Variants in SAMD5 observed in about 807,000 individuals in gnomAD.
SAMD5 encodes sterile alpha motif domain-containing protein 5.
SAMD5 carries 13 observed loss-of-function variants against 11.3 expected under a neutral mutation model. That is an observed-to-expected ratio of 1.15 (90% CI 0.75 to 1.83). SAMD5 has a LOEUF of 1.83. Among genes scored for constraint, SAMD5 ranks in the 40% most tolerant of loss-of-function variants. The pLI, the probability that SAMD5 is intolerant of heterozygous loss-of-function variation, is 0.00. For missense variants in SAMD5, 255 were observed against 239.1 expected, an observed-to-expected ratio of 1.07 and a Z score of -0.44; for synonymous variants, 129 against 111.3, an observed-to-expected ratio of 1.16 and a Z score of -1.00.
chr6:147,937,753 T>C, the SAMD5 span, among the ~76,000 whole-genome samples: 1 of 152,216 alleles, frequency 6.6e-6, no homozygotes, highest in Non-Finnish European at 1.5e-5. Context: ...CAGATATGTA[T>C]ATAAGAATTT....
chr6:147,633,283 G>A (rs149263267), intron 1 of SAMD5, among the ~76,000 whole-genome samples: 13 of 152,218 alleles, frequency 8.5e-5, no homozygotes, highest in African/African-American at 2.4e-4. Context: ...TACAAGCCAC[G>A]TGCTTTGAAA....
chr6:147,802,281 T>C, the SAMD5 span, among the ~76,000 whole-genome samples: 1 of 152,148 alleles, frequency 6.6e-6, no homozygotes. Context: ...TAGGAAAATA[T>C]ACAAATGGCC....
chr6:147,812,494 A>C, the SAMD5 span, among the ~76,000 whole-genome samples: 4 of 152,044 alleles, frequency 2.6e-5, no homozygotes, highest in African/African-American at 7.3e-5. Flanking sequence ...GAGCCCAGTC[A>C]TACCAGCAGT....
chr6:147,672,919 A>T (rs1398111834), intron 1 of SAMD5, among the ~76,000 whole-genome samples: 1 of 152,158 alleles, frequency 6.6e-6, no homozygotes, highest in Non-Finnish European at 1.5e-5. Context: ...TGTTTAACAT[A>T]GTTTACTGTT....
At chr6:147,550,321 C>A (rs1440416741) in intron 1 of SAMD5, among the ~76,000 whole-genome samples, 2 of 152,104 alleles carry the variant, frequency 1.3e-5, no homozygotes, top group Admixed American at 6.6e-5. Flanking sequence ...TAAATTAGTA[C>A]AATCTCTATG....
chr6:147,801,194 A>G, the SAMD5 span, among the ~76,000 whole-genome samples: 1 of 152,298 alleles, frequency 6.6e-6, no homozygotes, highest in African/African-American at 2.4e-5. Flanking sequence ...AAAATTCTGA[A>G]AAACCAGACA....
At position 147,569,231 on chromosome 6, in the gene SAMD5, A is replaced by AAG; in HGVS notation, c.*4776_*4777insGA. On this transcript the variant is annotated 3_prime_UTR_variant, in exon 2 of 2. Transcript: ENST00000367474. ...GTGAGACTCTGTCTAAAAAAAAAAA[A>AAG]AAAAGAAAAGAAAAAAGAAAAATTG... 2.8e-6 allele frequency: 1 copy of AAG among 351,128 alleles called. No homozygotes were observed. The highest frequency in any genetic ancestry group is 1.2e-4 in the South Asian group (1 of 8,594). 21.8% of individuals were successfully genotyped at this position (351,128 alleles called of 1,614,324 possible). A position where few individuals can be genotyped will look rare whatever the true frequency, so the allele number is the denominator to read the frequency against.
At chr6:147,616,713 A>C (rs183232321) in intron 1 of SAMD5, among the ~76,000 whole-genome samples, 450 of 152,350 alleles carry the variant, frequency 3.0e-3, no homozygotes, top group Non-Finnish European at 5.7e-3. Context: ...TCAGTTACGC[A>C]TGGCTGTGGA....
chr6:147,563,790 A>G (rs1788992151), intron 1 of SAMD5, among the ~76,000 whole-genome samples: 1 of 147,694 alleles, frequency 6.8e-6, no homozygotes. Context: ...TGTAAGAAAT[A>G]CTTAATTAAC....
intron 1 of SAMD5, among the ~76,000 whole-genome samples, chr6:147,669,034 T>C (rs1790759803): frequency 6.6e-6 from 1 of 152,166 alleles, no homozygotes. Context: ...TGCTGACTGA[T>C]CAGGGTGGTG....
chr6:147,636,280 G>A (rs539090655), intron 1 of SAMD5, among the ~76,000 whole-genome samples: 15 of 152,122 alleles, frequency 9.9e-5, no homozygotes, highest in African/African-American at 2.9e-4. Flanking sequence ...GAACATGCGA[G>A]GTAATTCTGT....
rs979016199 is a variant in SAMD5, at chr6:147,666,467, A to G, written c.163-70850A>G. Among the ~76,000 whole-genome samples, 5 of 152,166 alleles carry G rather than the reference A, an allele frequency of 3.3e-5. No individual in the cohort carries two copies. The East Asian group carries it at 7.7e-4, about 24-fold the overall frequency. ...TGTTTCTGCTTTTGTGCTGGCTGCTAAAGCTTCAGGCCCTTCCTCCTCAGC... is the reference window on the plus strand; with the variant it reads ...TGTTTCTGCTTTTGTGCTGGCTGCTGAAGCTTCAGGCCCTTCCTCCTCAGC... On this transcript the variant is annotated intron_variant, in intron 1 of 1. Transcript: ENST00000566741.
the SAMD5 span, among the ~76,000 whole-genome samples, chr6:147,893,341 T>A: frequency 6.6e-6 from 1 of 152,148 alleles, no homozygotes; most frequent in Non-Finnish European, 1.5e-5. Flanking sequence ...TTGCCCAAAG[T>A]CATTTAGTAA....
the SAMD5 span, among the ~76,000 whole-genome samples, chr6:147,765,209 C>G: frequency 1.3e-5 from 2 of 151,772 alleles, no homozygotes; most frequent in Admixed American, 6.6e-5. Flanking sequence ...ATTTTCTTGT[C>G]TTTTTTTTGT....
At chr6:147,680,371 A>C (rs1185745486) in intron 1 of SAMD5, among the ~76,000 whole-genome samples, 1 of 152,140 alleles carries the variant, frequency 6.6e-6, no homozygotes, top group East Asian at 1.9e-4. Flanking sequence ...TTGATCTTGT[A>C]TCCTACAAAC....
chr6:147,917,814 A>G, the SAMD5 span, among the ~76,000 whole-genome samples: 2 of 152,164 alleles, frequency 1.3e-5, no homozygotes, highest in African/African-American at 4.8e-5. Context: ...TTAAATAGGG[A>G]ATCCTTTCCC....
In SAMD5 at chr6:147,656,899, C is replaced by CGTGTGTGTGTGTGTGT. The variant is rs55906300; in HGVS notation, c.163-80399_163-80384dup. Among the ~76,000 whole-genome samples, 363 of 149,168 alleles carry CGTGTGTGTGTGTGTGT rather than the reference C, an allele frequency of 2.4e-3. 1 individual carries two copies. Among genetic ancestry groups the CGTGTGTGTGTGTGTGT allele is most frequent in the Non-Finnish European group, 3.7e-3 (249 of 67,170 alleles). On this transcript the variant is annotated intron_variant, in intron 1 of 1. Transcript: ENST00000566741. The stretch of plus-strand genomic sequence containing the variant: ...GATAAACCTCCAACAATACAGTATA[C>CGTGTGTGTGTGTGTGT]GTGTGTGTGTGTGTGTGTGTGTGTG...
chr6:147,599,247 A>C (rs1372693050), intron 1 of SAMD5, among the ~76,000 whole-genome samples: 2 of 152,200 alleles, frequency 1.3e-5, no homozygotes, highest in Non-Finnish European at 2.9e-5. Context: ...TTCTTGAAAG[A>C]AGCCTGACTC....
At chr6:147,870,480 G>GTATATA in the SAMD5 span, among the ~76,000 whole-genome samples, 1 of 136,814 alleles carries the variant, frequency 7.3e-6, no homozygotes, top group East Asian at 2.1e-4. Flanking sequence ...GTGTGTGTGT[G>GTATATA]TGTATATATA....
Sources: allele counts gnomAD v4.1 joint callset (sites outside exome capture counted in the v4.1 genomes callset), GRCh38; gene constraint gnomAD v4.1.1; transcripts MANE v1.5; gene names NCBI Gene and HGNC (gene_info 2026-07-23, HGNC 2026-07-21).